The following CELF2 variants were observed in gnomAD, a reference collection of about 807,000 sequenced individuals.
CELF2 encodes the protein CUGBP Elav-like family member 2, also known as CUG triplet repeat RNA-binding protein 2.
CELF2 carries 8 observed loss-of-function variants against 62.6 expected under a neutral mutation model. That is an observed-to-expected ratio of 0.13 (90% CI 0.07 to 0.23). CELF2 has a LOEUF of 0.23. Among genes scored for constraint, CELF2 ranks in the 10% least tolerant of loss-of-function variants. The pLI is 1.00. For missense variants in CELF2, 333 were observed against 671.0 expected (o/e 0.50, Z 5.56); for synonymous variants, 258 against 250.0 (o/e 1.03, Z -0.30).
the CELF2 span, among the ~76,000 whole-genome samples, chr10:10,616,536 A>G: frequency 6.6e-6 from 1 of 151,968 alleles, no homozygotes; most frequent in African/African-American, 2.4e-5. Flanking sequence ...ATTCTATAGA[A>G]ATCGTAACAT....
At chr10:10,892,685 T>C (rs1157994399) in intron 1 of CELF2, among the ~76,000 whole-genome samples, 1 of 152,208 alleles carries the variant, frequency 6.6e-6, no homozygotes, top group Non-Finnish European at 1.5e-5. Context: ...TGCAGTGAAC[T>C]TGGACAATGT....
the CELF2 span, among the ~76,000 whole-genome samples, chr10:10,668,819 A>G: frequency 6.6e-6 from 1 of 152,112 alleles, no homozygotes. Flanking sequence ...ATAGCCAGGC[A>G]GGGTGGTGTG....
chr10:10,694,318 G>A, the CELF2 span, among the ~76,000 whole-genome samples: 9 of 151,162 alleles, frequency 6.0e-5, no homozygotes, highest in South Asian at 2.1e-4. Context: ...GTAGTTGAGC[G>A]GTTTTGAGTG....
the CELF2 span, among the ~76,000 whole-genome samples, chr10:10,778,447 G>C: frequency 1.3e-5 from 2 of 152,190 alleles, no homozygotes; most frequent in African/African-American, 4.8e-5. Flanking sequence ...GAAAAATTAT[G>C]ACTTAACTGA....
intron 1 of CELF2, among the ~76,000 whole-genome samples, chr10:11,127,110 G>T (rs1373437573): frequency 1.3e-5 from 2 of 151,982 alleles, no homozygotes; most frequent in Non-Finnish European, 2.9e-5. Flanking sequence ...TGTTCTCATT[G>T]TTCAGTTCCC....
the CELF2 span, among the ~76,000 whole-genome samples, chr10:10,484,690 G>T: frequency 2.6e-5 from 4 of 152,052 alleles, no homozygotes; most frequent in Non-Finnish European, 5.9e-5. Context: ...AGTCAATGTG[G>T]AGCTGGTCAT....
upstream of CELF2, among the ~76,000 whole-genome samples, chr10:10,796,734 C>G (rs2054159671): frequency 1.3e-5 from 2 of 152,214 alleles, no homozygotes; most frequent in African/African-American, 4.8e-5. Flanking sequence ...TTTGGAGGTA[C>G]ACTCCGTATA....
intron 1 of CELF2, among the ~76,000 whole-genome samples, chr10:11,080,700 C>G (rs180678061): frequency 1.3e-5 from 2 of 152,260 alleles, no homozygotes; most frequent in East Asian, 3.9e-4. Context: ...TAGAGAGAAC[C>G]TTATGTGGGT....
chr10:10,848,372 G>A (rs1356825063), intron 1 of CELF2, among the ~76,000 whole-genome samples: 4 of 152,048 alleles, frequency 2.6e-5, no homozygotes, highest in African/African-American at 7.2e-5. Flanking sequence ...CTTGAATATC[G>A]GGGTGGCATC....
intron 9 of CELF2, among the ~76,000 whole-genome samples, chr10:11,298,778 C>T (rs1199087783): frequency 1.3e-5 from 2 of 151,840 alleles, no homozygotes; most frequent in Non-Finnish European, 2.9e-5. Flanking sequence ...TGGGAAAGAT[C>T]GAATCATTAT....
chr10:11,197,024 GAAAAGAAAGAAAGAAAGA>G (rs2057836559), intron 2 of CELF2, among the ~76,000 whole-genome samples: 1 of 4,726 alleles, frequency 2.1e-4, no homozygotes, highest in Non-Finnish European at 7.9e-4. Flanking sequence ...AAGAAAGAAA[GAAAAGAAAGAAAGAAAGA>G]AAGAAAGAAA....
At chr10:10,637,624 A>G in the CELF2 span, among the ~76,000 whole-genome samples, 1 of 152,210 alleles carries the variant, frequency 6.6e-6, no homozygotes, top group Non-Finnish European at 1.5e-5. Flanking sequence ...CTTTCCAGCA[A>G]AGGTGACTGC....
At chr10:10,570,265 T>C in the CELF2 span, among the ~76,000 whole-genome samples, 1 of 152,184 alleles carries the variant, frequency 6.6e-6, no homozygotes, top group African/African-American at 2.4e-5. Flanking sequence ...AATTGTAAGA[T>C]GTGGTTCCAC....
intron 1 of CELF2, among the ~76,000 whole-genome samples, chr10:10,902,220 G>A (rs1185817345): frequency 6.6e-6 from 1 of 152,190 alleles, no homozygotes; most frequent in Non-Finnish European, 1.5e-5. Flanking sequence ...ATTTGATACA[G>A]CTGTTCCACT....
chr10:10,966,339 G>C lies in CELF2; in HGVS notation c.89+46340G>C, dbSNP rs553433696. Among the ~76,000 whole-genome samples, 3 of 152,362 alleles carry C rather than the reference G, an allele frequency of 2.0e-5. No homozygotes were observed. The South Asian group carries it at 6.2e-4, about 32-fold the overall frequency. ...GGGTCAATGAGTGTGGTACAGTGGAGCTGAAGAGCTCGGGGATAGCTGTGT... is the reference window on the plus strand; with the variant it reads ...GGGTCAATGAGTGTGGTACAGTGGACCTGAAGAGCTCGGGGATAGCTGTGT... On this transcript the variant is annotated intron_variant, in intron 2 of 13. Transcript: ENST00000636488.
chr10:10,731,889 G>T, the CELF2 span, among the ~76,000 whole-genome samples: 5 of 152,080 alleles, frequency 3.3e-5, no homozygotes, highest in African/African-American at 1.2e-4. Flanking sequence ...AGGCCATATT[G>T]ACTTGTCCCC....
chr10:10,824,241 T>C (rs1427922693), intron 1 of CELF2, among the ~76,000 whole-genome samples: 2 of 152,224 alleles, frequency 1.3e-5, no homozygotes, highest in Non-Finnish European at 2.9e-5. Context: ...TTCCAAATAA[T>C]GAGCTGTGTT....
chr10:11,214,127 T>C lies in CELF2; in HGVS notation c.272-3298T>C, dbSNP rs2062662773. ...AGTGGGACCCCTATCTCTACAAAAA[T>C]GTAAAAAGTAGTCAGGCATGGTAGC... On this transcript the variant is annotated intron_variant, in intron 2 of 12. Coordinates refer to ENST00000633077, the MANE Select transcript of CELF2 (RefSeq NM_001326342.2). The surrounding 1 kb of genome is among the most constrained non-coding windows in gnomAD (Gnocchi z 4.2). 6.6e-6 allele frequency among the ~76,000 whole-genome samples: 1 copy of C among 151,818 alleles called. No individual in the cohort carries two copies. The highest frequency in any genetic ancestry group is 6.6e-5 in the Admixed American group (1 of 15,258).
intron 2 of CELF2, among the ~76,000 whole-genome samples, chr10:11,185,739 A>T (rs546162145): frequency 1.2e-4 from 19 of 152,260 alleles, no homozygotes; most frequent in African/African-American, 4.3e-4. Context: ...ATTGGATTCC[A>T]TTTGCTCAAA....
Sources: gnomAD v4.1 joint callset for allele counts (sites outside exome capture counted in the v4.1 genomes callset) on GRCh38, gnomAD v4.1.1 for gene constraint, Gnocchi (gnomAD v3.1) non-coding constraint, MANE v1.5 for transcripts, NCBI Gene and HGNC (gene_info 2026-07-23, HGNC 2026-07-21) for gene names.